NGEF: variants seen among roughly 807,000 people sequenced by gnomAD.
The protein encoded by NGEF is neuronal guanine nucleotide exchange factor, also known as ephexin-1.
In NGEF, 31 loss-of-function variants were observed where a neutral mutation model predicts 80.9. That is an observed-to-expected ratio of 0.38 (90% CI 0.29 to 0.52). The LOEUF is 0.52. Among genes scored for constraint, NGEF ranks in the 20% least tolerant of loss-of-function variants. NGEF has a pLI of 0.84. For synonymous variants in NGEF, 371 were observed against 370.2 expected, an observed-to-expected ratio of 1.00 and a Z score of -0.03; for missense variants, 709 against 926.2, an observed-to-expected ratio of 0.77 and a Z score of 3.04.
intron 8 of NGEF, 115 bp downstream of exon 8, chr2:232,891,243 G>C: frequency 1.3e-5 from 17 of 1,356,050 alleles, no homozygotes; most frequent in Non-Finnish European, 1.6e-5. Flanking sequence ...GCACACATGG[G>C]AGGAGCTTAG....
rs1691580164 is a variant in NGEF at position 232,883,439 on chromosome 2, A to G, written c.1629T>C (p.Ala543=). 1.9e-6 allele frequency: 3 copies of G among 1,606,588 alleles called. No individual in the cohort carries two copies. The highest frequency in any genetic ancestry group is 2.5e-6 in the Non-Finnish European group (3 of 1,176,832). Residue 543 remains alanine (A), a synonymous_variant, in exon 12 of 15, where the codon GCT becomes GCC. Transcript: ENST00000264051. ...CCTCCACACGCAGCAGTCCCCGCGGAGCTGAGTCAAATACCTGGTACTTGT... is the reference window on the plus strand; with the variant it reads ...CCTCCACACGCAGCAGTCCCCGCGGGGCTGAGTCAAATACCTGGTACTTGT... The part of the protein sequence containing the change: ...PGDKYQVFDS[A]PRGLLRVEEL...
intron 1 of NGEF, among the ~76,000 whole-genome samples, chr2:232,978,378 G>C (rs1694340622): frequency 6.6e-6 from 1 of 151,988 alleles, no homozygotes; most frequent in African/African-American, 2.4e-5. Context: ...AGCTGGGCGT[G>C]GTGGTGGGCG....
chr2:232,933,513 C>G (rs1177456472), intron 3 of NGEF, among the ~76,000 whole-genome samples: 1 of 152,184 alleles, frequency 6.6e-6, no homozygotes, highest in Non-Finnish European at 1.5e-5. Flanking sequence ...TTCTCTCTGC[C>G]CCTCTCTGGC....
chr2:232,993,004 T>TACAC (rs140539108), intron 1 of NGEF, among the ~76,000 whole-genome samples: 8,528 of 138,028 alleles, frequency 0.062, 954 homozygotes, highest in African/African-American at 0.22. Flanking sequence ...TATATATATA[T>TACAC]ACACACACAC....
At chr2:232,905,793 C>T (rs1295465662) in intron 5 of NGEF, 18 of 351,808 alleles carry the variant, frequency 5.1e-5, no homozygotes, top group Non-Finnish European at 9.8e-5. Context: ...GCCTGGCAGC[C>T]GCCCCGTCTG....
At chr2:232,935,443 C>A (rs1015663519) in intron 3 of NGEF, among the ~76,000 whole-genome samples, 12 of 152,166 alleles carry the variant, frequency 7.9e-5, no homozygotes, top group Admixed American at 6.5e-5. Flanking sequence ...CATGGTAAAA[C>A]CCTGTCTCTA....
At chr2:232,905,108 C>G (rs978326015) in intron 5 of NGEF, among the ~76,000 whole-genome samples, 1 of 152,150 alleles carries the variant, frequency 6.6e-6, no homozygotes, top group Non-Finnish European at 1.5e-5. Flanking sequence ...CCTCTCACCT[C>G]TCACCTCTCC....
chr2:232,996,911 G>A (rs969197102), intron 1 of NGEF, among the ~76,000 whole-genome samples: 2 of 152,210 alleles, frequency 1.3e-5, no homozygotes, highest in Non-Finnish European at 2.9e-5. Flanking sequence ...AGATGCAGAA[G>A]GAGAACTTTA....
In NGEF at chr2:232,899,906, TCA is replaced by T. The variant is rs374988239; in HGVS notation, c.829-4992_829-4991del. ...TTCACTCACATTCACACACATGCTC[TCA>T]CAGTCACTCATATACACGTTCACTC... On this transcript the variant is annotated intron_variant, in intron 5 of 14. Coordinates refer to ENST00000264051, the MANE Select transcript of NGEF (RefSeq NM_019850.3). Among the ~76,000 whole-genome samples the T allele has an allele frequency of 8.9e-3, 1,149 of 128,556 alleles. 58 individuals are homozygous for T. The highest frequency in any genetic ancestry group is 0.047 in the East Asian group (139 of 2,972). 84.3% of individuals were successfully genotyped at this position (128,556 alleles called of 152,430 possible). A position where few individuals can be genotyped will look rare whatever the true frequency, so the allele number is the denominator to read the frequency against.
chr2:232,902,421 G>A (rs1575004801), intron 5 of NGEF, among the ~76,000 whole-genome samples: 1 of 152,166 alleles, frequency 6.6e-6, no homozygotes, highest in African/African-American at 2.4e-5. Flanking sequence ...GGGAGTGGGG[G>A]CTTGGCTGTC....
At chr2:232,946,196 T>C (rs13423336) in intron 3 of NGEF, among the ~76,000 whole-genome samples, 14,713 of 151,664 alleles carry the variant, frequency 0.097, 904 homozygotes, top group African/African-American at 0.18. Context: ...GAAAACCAAA[T>C]ATTGTATGTT....
At chr2:233,009,644 A>AG (rs1193685013) in intron 1 of NGEF, among the ~76,000 whole-genome samples, 1 of 151,770 alleles carries the variant, frequency 6.6e-6, no homozygotes, top group Non-Finnish European at 1.5e-5. Flanking sequence ...ACAGAAAAAA[A>AG]AAAAAAGTAA....
chr2:232,906,126 T>C (rs1424446979), intron 5 of NGEF, among the ~76,000 whole-genome samples: 1 of 66,888 alleles, frequency 1.5e-5, no homozygotes, highest in African/African-American at 5.2e-5. Context: ...GGTGGGGGTC[T>C]CAGCCCCCCG....
chr2:232,912,877 C>A (rs1443532742), intron 5 of NGEF, among the ~76,000 whole-genome samples: 3 of 152,000 alleles, frequency 2.0e-5, no homozygotes, highest in African/African-American at 7.2e-5. Context: ...TGATATTGGT[C>A]ATTTATATCT....
intron 1 of NGEF, among the ~76,000 whole-genome samples, chr2:233,005,281 ATG>A (rs1695062190): frequency 6.6e-6 from 1 of 152,192 alleles, no homozygotes; most frequent in African/African-American, 2.4e-5. Context: ...CGCTCCGCAG[ATG>A]TGTTCCCACA....
intron 3 of NGEF, among the ~76,000 whole-genome samples, chr2:232,968,147 G>A (rs1255108094): frequency 6.9e-6 from 1 of 144,354 alleles, no homozygotes. Context: ...GGAGTGCAAT[G>A]GTGTGATCTC....
chr2:232,884,730 G>T (rs561345397), intron 10 of NGEF, among the ~76,000 whole-genome samples: 1 of 152,320 alleles, frequency 6.6e-6, no homozygotes, highest in African/African-American at 2.4e-5. Flanking sequence ...AGCTACATGG[G>T]ACGCCCAGAA....
At chr2:232,911,763 G>A (rs1335623026) in intron 5 of NGEF, among the ~76,000 whole-genome samples, 1 of 152,158 alleles carries the variant, frequency 6.6e-6, no homozygotes, top group Non-Finnish European at 1.5e-5. Context: ...TTTCAGGGCA[G>A]CTATTGTAAA....
chr2:232,899,682 ACT>A (rs1373932747), intron 5 of NGEF, among the ~76,000 whole-genome samples: 1 of 123,534 alleles, frequency 8.1e-6, no homozygotes, highest in Non-Finnish European at 1.7e-5. Flanking sequence ...TCTCACAGTC[ACT>A]CATACACACA....
Sources: allele counts gnomAD v4.1 joint callset (sites outside exome capture counted in the v4.1 genomes callset), GRCh38; gene constraint gnomAD v4.1.1; transcripts MANE v1.5; gene names NCBI Gene and HGNC (gene_info 2026-07-23, HGNC 2026-07-21).